The following TECTA variants were observed in gnomAD, a reference collection of about 807,000 sequenced individuals.
TECTA encodes the protein alpha-tectorin.
A neutral mutation model predicts 216.8 loss-of-function variants in TECTA; 128 were observed. That is an observed-to-expected ratio of 0.59 (90% confidence interval 0.51 to 0.68). TECTA has a LOEUF of 0.68. TECTA is among the 30% of genes least tolerant of loss of function. The pLI is 0.00. For missense variants in TECTA, 2,551 were observed against 2,786.2 expected, an observed-to-expected ratio of 0.92 and a Z score of 1.90; for synonymous variants, 1,089 against 1,117.1, an observed-to-expected ratio of 0.97 and a Z score of 0.50.
intron 2 of TECTA, among the ~76,000 whole-genome samples, chr11:121,104,334 G>A (rs1311422005): frequency 6.6e-6 from 1 of 151,994 alleles, no homozygotes; most frequent in Non-Finnish European, 1.5e-5. Context: ...TCACCTGCTG[G>A]TTGTGACATT....
rs757515232 is a variant in TECTA, at chr11:121,127,824, A to G, written c.1847A>G (p.Asp616Gly). 2 of 1,614,094 alleles carry G rather than the reference A, an allele frequency of 1.2e-6. No homozygotes were observed. The highest frequency in any genetic ancestry group is 3.3e-5 in the Admixed American group (2 of 60,018). ...AGCAGCTGCCCCGACACATGCTCCG[A>G]CCTGACGGCCTCGCGGAACTGCGCC... ...CTSSCPDTCSDLTASRNCATP... is the reference protein window; with the variant it reads ...CTSSCPDTCSGLTASRNCATP... The change falls in exon 9 of 24, where the codon GAC becomes GGC. Residue 616 changes from aspartate to glycine, a missense_variant. Asp to Gly is a moderately conservative substitution (Grantham distance 94, BLOSUM62 -1). Transcript: ENST00000392793. The surrounding 1 kb of genome is among the most constrained non-coding windows in gnomAD (Gnocchi z 5.0).
intron 20 of TECTA, among the ~76,000 whole-genome samples, chr11:121,184,489 C>T (rs550770905): frequency 1.3e-5 from 2 of 152,314 alleles, no homozygotes; most frequent in African/African-American, 4.8e-5. Context: ...CTGGTCAGCA[C>T]CCATCCCTGT....
intron 20 of TECTA, among the ~76,000 whole-genome samples, chr11:121,185,059 G>T (rs562820299): frequency 3.0e-4 from 46 of 152,318 alleles, no homozygotes; most frequent in African/African-American, 1.1e-3. Flanking sequence ...TTTAAAAATG[G>T]TATTTAATAG....
At chr11:121,133,895 G>A (rs1022777079) in intron 10 of TECTA, among the ~76,000 whole-genome samples, 1 of 152,210 alleles carries the variant, frequency 6.6e-6, no homozygotes. Context: ...AATACTTTAA[G>A]AGTGTGCAAA....
intron 14 of TECTA, among the ~76,000 whole-genome samples, chr11:121,158,566 C>A (rs1007904015): frequency 2.6e-5 from 4 of 152,190 alleles, no homozygotes; most frequent in Admixed American, 2.6e-4. Flanking sequence ...TTGTTTTTAA[C>A]AGCCCTTAAG....
intron 11 of TECTA, among the ~76,000 whole-genome samples, chr11:121,144,024 G>A (rs1417431630): frequency 1.3e-5 from 2 of 152,184 alleles, no homozygotes; most frequent in Non-Finnish European, 2.9e-5. Flanking sequence ...GCCCATAGAC[G>A]CAGGGCCTGG....
chr11:121,109,285 T>C lies in TECTA; in HGVS notation c.273T>C (p.Asp91=), dbSNP rs771368890. Residue 91 remains aspartate (D), a synonymous_variant, in exon 4 of 24, where the codon GAT becomes GAC. Transcript: ENST00000392793. ...CGCCAGAATCCTTTCCCCTGACAGATGGGAGAGCCTTCGTCGCCCCATTTT... is the reference window on the plus strand; with the variant it reads ...CGCCAGAATCCTTTCCCCTGACAGACGGGAGAGCCTTCGTCGCCCCATTTT... ...QFTPESFPLT[D]GRAFVAPFWA... 12 of 1,614,064 alleles carry C rather than the reference T, an allele frequency of 7.4e-6. No homozygotes were observed. The East Asian group carries it at 2.0e-4, about 27-fold the overall frequency.
chr11:121,164,568 G>A (rs972261335), intron 16 of TECTA, among the ~76,000 whole-genome samples: 5 of 152,262 alleles, frequency 3.3e-5, no homozygotes, highest in African/African-American at 1.2e-4. Flanking sequence ...TAATAACATC[G>A]TGATGATACT....
intron 15 of TECTA, among the ~76,000 whole-genome samples, chr11:121,161,150 C>T (rs1337040533): frequency 6.6e-6 from 1 of 152,190 alleles, no homozygotes; most frequent in Non-Finnish European, 1.5e-5. Flanking sequence ...GCCTCTTTGA[C>T]TCTGCCCCAA....
chr11:121,180,813 CTTTTTT>C (rs34807486), intron 20 of TECTA, among the ~76,000 whole-genome samples: 1 of 119,998 alleles, frequency 8.3e-6, no homozygotes, highest in African/African-American at 3.1e-5. Context: ...TTTCTTATTC[CTTTTTT>C]TTTTTTTTTT....
chr11:121,132,199 A>G (rs1946681504), intron 10 of TECTA, among the ~76,000 whole-genome samples: 1 of 152,108 alleles, frequency 6.6e-6, no homozygotes, highest in Admixed American at 6.5e-5. Flanking sequence ...CTGTAAAGAG[A>G]TGTCCTTTTC....
chr11:121,112,171 A>C lies in TECTA; in HGVS notation c.487-901A>C, dbSNP rs1946447834. 2.0e-5 allele frequency among the ~76,000 whole-genome samples: 3 copies of C among 152,346 alleles called. No homozygotes were observed. In the South Asian group the frequency reaches 6.2e-4, roughly 32 times the overall value. ...AGGGGTGAGGATTAGCAAGAGGAAA[A>C]TATAAAGGACAGGGTTTGCTACAGC... is the stretch of plus-strand genomic sequence containing the variant. On this transcript the variant is annotated intron_variant, in intron 4 of 23. Transcript: ENST00000392793.
chr11:121,101,356 T>A lies in TECTA; in HGVS notation c.-88T>A, dbSNP rs1293792151. The A allele has an allele frequency of 6.6e-6, 1 of 152,226 alleles. No homozygotes were observed. Among genetic ancestry groups the A allele is most frequent in the East Asian group, 1.9e-4 (1 of 5,208 alleles). 9.4% of individuals were successfully genotyped at this position (152,226 alleles called of 1,614,324 possible). The stretch of plus-strand genomic sequence containing the variant: ...GGCAACAAGTTGAGGAGAACTGACA[T>A]GAATTCTTGTTTTACCTAATTTTTT... On this transcript the variant is annotated 5_prime_UTR_variant, in exon 1 of 24. The change abolishes an upstream ATG in the 5' untranslated region. Transcript: ENST00000392793.
chr11:121,123,943 C>A (rs1946583339), intron 7 of TECTA, among the ~76,000 whole-genome samples: 1 of 152,186 alleles, frequency 6.6e-6, no homozygotes, highest in Non-Finnish European at 1.5e-5. Context: ...CAACCTAGGG[C>A]TGCTGTTCCC....
At chr11:121,189,729 G>A (rs201716866) in intron 22 of TECTA, 35 bp from the exon 23 acceptor site, 1 of 1,586,228 alleles carries the variant, frequency 6.3e-7, no homozygotes. Context: ...GGGTTGAACT[G>A]TCTGTAGTTA....
rs772777977 is a variant in TECTA, at chr11:121,125,450, G to A, written c.1352G>A (p.Gly451Asp). The change falls in exon 8 of 24, where the codon GGC (glycine) becomes GAC (aspartate). Residue 451 changes from glycine (G) to aspartate (D), a missense_variant. Gly to Asp is a moderately conservative substitution (Grantham distance 94, BLOSUM62 -1). This residue lies in a region of TECTA where 2,375 missense variants were observed against 2,563.9 expected (regional missense o/e 0.93). Transcript: ENST00000392793. ...CACTACGCCTCCATTTCCGTCCCAGGCTCCTATATAAACTCCACCTGTGGA... is the reference window on the plus strand; with the variant it reads ...CACTACGCCTCCATTTCCGTCCCAGACTCCTATATAAACTCCACCTGTGGA... Reference protein sequence around the residue: ...GQHYASISVPGSYINSTCGLC... With the variant: ...GQHYASISVPDSYINSTCGLC... 1 of 1,614,144 alleles carries A rather than the reference G, an allele frequency of 6.2e-7. No individual in the cohort carries two copies. Among genetic ancestry groups the A allele is most frequent in the South Asian group, 1.1e-5 (1 of 91,084 alleles).
rs570667892 is a variant in TECTA, at chr11:121,127,771, G to C, written c.1794G>C (p.Pro598=). 2.0e-4 allele frequency: 330 copies of C among 1,614,088 alleles called. 1 individual carries two copies. Among genetic ancestry groups the C allele is most frequent in the Admixed American group, 1.3e-3 (80 of 60,022 alleles). ...CGTCAGTGTCCACAGTGCAGTGCCC[G>C]AGCTTCAGCCACTACTCCGTGTGCA... ...QTGCVSTVQC[P]SFSHYSVCTS... Residue 598 remains proline (P), a synonymous_variant, in exon 9 of 24, where the codon CCG becomes CCC. Transcript: ENST00000392793. The surrounding 1 kb of genome is among the most constrained non-coding windows in gnomAD (Gnocchi z 5.0).
intron 18 of TECTA, 129 bp from the exon 19 acceptor site, chr11:121,167,925 G>A (rs1947071177): frequency 9.3e-7 from 1 of 1,070,180 alleles, no homozygotes; most frequent in Middle Eastern, 2.0e-4. Flanking sequence ...GCTCCATGCT[G>A]ATTTATACTG....
intron 20 of TECTA, among the ~76,000 whole-genome samples, chr11:121,170,592 C>T (rs1947102157): frequency 6.6e-6 from 1 of 151,930 alleles, no homozygotes; most frequent in Admixed American, 6.6e-5. Context: ...GCATTTGTTA[C>T]TTTTTGTCTT....
Sources: gnomAD v4.1 joint callset for allele counts (sites outside exome capture counted in the v4.1 genomes callset) on GRCh38, gnomAD v4.1.1 for gene constraint, gnomAD v4.1.1 regional missense constraint, Gnocchi (gnomAD v3.1) non-coding constraint, MANE v1.5 for transcripts, NCBI Gene and HGNC (gene_info 2026-07-23, HGNC 2026-07-21) for gene names.